The following ZIC4 variants were observed in gnomAD, a reference collection of about 807,000 sequenced individuals.
ZIC4 encodes the protein Zic family zinc finger 4, also known as zinc finger protein ZIC 4.
In ZIC4, 15 loss-of-function variants were observed where a neutral mutation model predicts 28.8. The ratio of observed to expected loss-of-function variants is 0.52; its 90% CI spans 0.35 to 0.80. The LOEUF (loss-of-function observed/expected upper bound fraction) is 0.80, where lower values mean the gene tolerates loss of function less well. Ranked by LOEUF, ZIC4 falls within the 30% of genes least tolerant of loss-of-function variation. The pLI is 0.01. For missense variants in ZIC4, 512 were observed against 467.1 expected, an observed-to-expected ratio of 1.10 and a Z score of -0.89; for synonymous variants, 220 against 198.1, an observed-to-expected ratio of 1.11 and a Z score of -0.93.
chr3:147,397,277 C>G (rs952579448), intron 2 of ZIC4: 1 of 152,190 alleles, frequency 6.6e-6, no homozygotes. Flanking sequence ...CCCATTGGCC[C>G]GCGGCCGGGT....
intron 2 of ZIC4, among the ~76,000 whole-genome samples, chr3:147,401,135 C>A (rs961594607): frequency 3.3e-5 from 5 of 152,130 alleles, no homozygotes; most frequent in African/African-American, 1.2e-4. Flanking sequence ...AACCAGTGCC[C>A]AGAATCATGC....
At chr3:147,402,267 A>G (rs1396230511) in intron 2 of ZIC4, among the ~76,000 whole-genome samples, 1 of 152,224 alleles carries the variant, frequency 6.6e-6, no homozygotes, top group Non-Finnish European at 1.5e-5. Context: ...GAAGGCTGGT[A>G]TCCCTGGTAA....
intron 1 of ZIC4, chr3:147,403,758 C>A (rs2087216983): frequency 2.1e-6 from 1 of 485,562 alleles, no homozygotes. Context: ...ACAGAACAAG[C>A]AGTTGTTTAA....
At chr3:147,395,766 C>T (rs2087026856) in intron 3 of ZIC4, 86 bp downstream of exon 3, 2 of 1,514,852 alleles carry the variant, frequency 1.3e-6, no homozygotes, top group Non-Finnish European at 8.9e-7. Flanking sequence ...TTTCCCCCTC[C>T]CCTCAGTTGG....
chr3:147,405,688 C>T (rs1203924355), intron 1 of ZIC4: 1 of 604,864 alleles, frequency 1.7e-6, no homozygotes, highest in South Asian at 1.9e-5. Context: ...CTGCTGGCCG[C>T]GCGCAGAGAG....
intron 2 of ZIC4, among the ~76,000 whole-genome samples, chr3:147,401,830 G>A (rs771773907): frequency 3.3e-5 from 5 of 152,158 alleles, no homozygotes; most frequent in Non-Finnish European, 7.3e-5. Context: ...TCCAAGCAAG[G>A]ATTCTACAAA....
At position 147,396,831 on chromosome 3, in the gene ZIC4, C is replaced by G; in HGVS notation, c.71-362G>C. The G allele has an allele frequency of 4.9e-6, 1 of 205,136 alleles. No individual in the cohort carries two copies. The highest frequency in any genetic ancestry group is 5.5e-5 in the Admixed American group (1 of 18,134). 12.7% of individuals were successfully genotyped at this position (205,136 alleles called of 1,614,324 possible). A position where few individuals can be genotyped will look rare whatever the true frequency, so the allele number is the denominator to read the frequency against. On this transcript the variant is annotated intron_variant, in intron 2 of 4. Transcript: ENST00000383075. The surrounding 1 kb of genome is among the most constrained non-coding windows in gnomAD (Gnocchi z 4.2). Reference sequence around the variant, plus strand: ...CCCAAGCGCACTTTGGCGGCTAACACCCCGGGGCTCTCCGGGGCACGATGC... The same window carrying G: ...CCCAAGCGCACTTTGGCGGCTAACAGCCCGGGGCTCTCCGGGGCACGATGC...
In ZIC4 at chr3:147,396,482, C is replaced by A. The variant is rs1457224856; in HGVS notation, c.71-13G>T. 1.3e-6 allele frequency: 2 copies of A among 1,505,206 alleles called. No homozygotes were observed. Among genetic ancestry groups the A allele is most frequent in the South Asian group, 1.4e-5 (1 of 74,044 alleles). 93.2% of individuals were successfully genotyped at this position (1,505,206 alleles called of 1,614,324 possible). The stretch of plus-strand genomic sequence containing the variant: ...CCAGAGCTGCTACCTGTTGTCGAAA[C>A]AAATAGCGCGCATGAGAACGGGTGG... On this transcript the variant is annotated splice_polypyrimidine_tract_variant and intron_variant, in intron 2 of 4. Coordinates refer to ENST00000383075, the MANE Select transcript of ZIC4 (RefSeq NM_032153.6). The surrounding 1 kb of genome is among the most constrained non-coding windows in gnomAD (Gnocchi z 4.2).
intron 3 of ZIC4, among the ~76,000 whole-genome samples, chr3:147,394,228 GTGTTTGTT>G (rs887057238): frequency 2.6e-5 from 4 of 151,616 alleles, no homozygotes; most frequent in Non-Finnish European, 5.9e-5. Context: ...GTTGTTGGTC[GTGTTTGTT>G]TGTTTGTTTG....
At chr3:147,400,537 G>A (rs1360754440) in intron 2 of ZIC4, among the ~76,000 whole-genome samples, 1 of 152,162 alleles carries the variant, frequency 6.6e-6, no homozygotes, top group Non-Finnish European at 1.5e-5. Context: ...CACTGAGGTT[G>A]CCTGATCTTT....
At chr3:147,389,579 TG>T (rs1188934320) in intron 4 of ZIC4, among the ~76,000 whole-genome samples, 3 of 151,986 alleles carry the variant, frequency 2.0e-5, no homozygotes, top group Admixed American at 6.6e-5. Context: ...TCCCTGCAGA[TG>T]GGGGGAGGGG....
chr3:147,394,635 G>A (rs537519103), intron 3 of ZIC4, among the ~76,000 whole-genome samples: 1 of 152,082 alleles, frequency 6.6e-6, no homozygotes, highest in Non-Finnish European at 1.5e-5. Context: ...CCTCTGGTGA[G>A]GGGGTGAGAT....
chr3:147,400,823 G>A (rs1238140852), intron 2 of ZIC4, among the ~76,000 whole-genome samples: 2 of 152,064 alleles, frequency 1.3e-5, no homozygotes, highest in African/African-American at 4.8e-5. Flanking sequence ...TTATCAATTG[G>A]GCTGGCTAAG....
chr3:147,402,909 G>C (rs1335556938), intron 1 of ZIC4, 97 bp from the exon 2 acceptor site: 6 of 991,146 alleles, frequency 6.1e-6, no homozygotes, highest in Non-Finnish European at 9.1e-6. Flanking sequence ...GAAAGAAGGA[G>C]TTGATCTGAA....
chr3:147,404,271 C>T, intron 1 of ZIC4: 1 of 1,430,196 alleles, frequency 7.0e-7, no homozygotes, highest in South Asian at 1.5e-5. Context: ...TCTAAGAGGT[C>T]TGGATCACTT....
chr3:147,402,739 A>G lies in ZIC4; in HGVS notation c.59T>C (p.Leu20Pro), dbSNP rs765672232. ...GGATTTTAACTTACTTGACTCTTTA[A>G]GAGTGTTTCGGTAAAGCCGTAATCG... The part of the protein sequence containing the change: ...RKRLRLYRNT[L>P]KESSSSSGHH... Residue 20 changes from leucine (L) to proline (P), a missense_variant, in exon 2 of 5, where the codon CTT becomes CCT. This residue lies in a region of ZIC4 where 310 missense variants were observed against 256.5 expected (regional missense o/e 1.21). Coordinates refer to ENST00000383075, the MANE Select transcript of ZIC4 (RefSeq NM_032153.6). 1.2e-6 allele frequency: 2 copies of G among 1,613,558 alleles called. No homozygotes were observed. Among genetic ancestry groups the G allele is most frequent in the South Asian group, 1.1e-5 (1 of 90,992 alleles).
chr3:147,393,543 C>T (rs1222560556), intron 3 of ZIC4: 1 of 232,266 alleles, frequency 4.3e-6, no homozygotes, highest in African/African-American at 2.4e-5. Context: ...CCCAGATTCT[C>T]ATCCCAGAGG....
chr3:147,389,356 A>T (rs186260909), intron 4 of ZIC4: 306 of 153,904 alleles, frequency 2.0e-3, no homozygotes, highest in Non-Finnish European at 3.2e-3. Flanking sequence ...AAAATTCATC[A>T]GTGGCAGGGC....
intron 2 of ZIC4, among the ~76,000 whole-genome samples, 194 bp downstream of exon 2, chr3:147,402,534 G>T (rs746702447): frequency 2.6e-5 from 4 of 152,060 alleles, no homozygotes; most frequent in Non-Finnish European, 5.9e-5. Flanking sequence ...GTGGGACGTT[G>T]TGTCATTGAT....
Sources: allele counts gnomAD v4.1 joint callset (sites outside exome capture counted in the v4.1 genomes callset), GRCh38; gene constraint gnomAD v4.1.1; regional missense constraint gnomAD v4.1.1; non-coding constraint Gnocchi (gnomAD v3.1); transcripts MANE v1.5; gene names NCBI Gene and HGNC (gene_info 2026-07-23, HGNC 2026-07-21).